Variants in TUBA4A observed in about 807,000 individuals in gnomAD.
TUBA4A encodes tubulin alpha-4A chain.
Under a neutral mutation model 34.3 loss-of-function variants are expected in TUBA4A, and 23 were observed. That is an observed-to-expected ratio of 0.67 (90% CI 0.48 to 0.95). The LOEUF (loss-of-function observed/expected upper bound fraction) is 0.95. Ranked by LOEUF, TUBA4A falls within the 40% of genes least tolerant of loss-of-function variation. TUBA4A has a pLI of 0.00. For synonymous variants in TUBA4A, 216 were observed against 230.5 expected, an observed-to-expected ratio of 0.94 and a Z score of 0.57; for missense variants, 279 against 599.0, an observed-to-expected ratio of 0.47 and a Z score of 5.58.
In TUBA4A at chr2:219,250,515, A is replaced by G; in HGVS notation, c.1184T>C (p.Phe395Ser). 6.2e-7 allele frequency: 1 copy of G among 1,614,186 alleles called. No individual in the cohort carries two copies. Among genetic ancestry groups the G allele is most frequent in the Non-Finnish European group, 8.5e-7 (1 of 1,180,040 alleles). Reference sequence around the variant, plus strand: ...CGCCCTCTTGGCATACATCAGGTCGAACTTGTGGTCCAGGCGGGCCCAGGC... The same window carrying G: ...CGCCCTCTTGGCATACATCAGGTCGGACTTGTGGTCCAGGCGGGCCCAGGC... Reference protein sequence around the residue: ...AEAWARLDHKFDLMYAKRAFV... With the variant: ...AEAWARLDHKSDLMYAKRAFV... The change falls in exon 4 of 4, where the codon TTC becomes TCC. Residue 395 changes from phenylalanine to serine, a missense_variant. Coordinates refer to ENST00000248437, the MANE Select transcript of TUBA4A (RefSeq NM_006000.3). This position sits in a 1 kb window ranked among gnomAD's most constrained non-coding sequence, Gnocchi z 8.4.
chr2:219,250,506 A>T lies in TUBA4A; in HGVS notation c.1193T>A (p.Met398Lys). 2.5e-6 allele frequency: 4 copies of T among 1,614,126 alleles called. No individual in the cohort carries two copies. Among genetic ancestry groups the T allele is most frequent in the Non-Finnish European group, 3.4e-6 (4 of 1,180,016 alleles). Residue 398 changes from methionine (M) to lysine (K), a missense_variant, in exon 4 of 4, where the codon ATG becomes AAG. Met to Lys is a moderately conservative substitution (Grantham distance 95, BLOSUM62 -1). Coordinates refer to ENST00000248437, the MANE Select transcript of TUBA4A (RefSeq NM_006000.3). The surrounding 1 kb of genome is among the most constrained non-coding windows in gnomAD (Gnocchi z 8.4). ...GTGCACAAACGCCCTCTTGGCATAC[A>T]TCAGGTCGAACTTGTGGTCCAGGCG... is the stretch of plus-strand genomic sequence containing the variant. ...WARLDHKFDL[M>K]YAKRAFVHWY...
Position 219,250,357 on chromosome 2 carries a change from C to T in TUBA4A, c.1342G>A (p.Glu448Lys), listed in dbSNP as rs1951625882. ...ATAGGCTCCAGGCAGCTGCTTTATT[C>T]TTCTCCCTCATCCTCGTCCTCATAG... ...DSYEDEDEGE[E>K] is the part of the protein sequence containing the mutation. The change falls in exon 4 of 4, where the codon GAA becomes AAA. Residue 448 changes from glutamate (E) to lysine (K), a missense_variant. Coordinates refer to ENST00000248437, the MANE Select transcript of TUBA4A (RefSeq NM_006000.3). This position sits in a 1 kb window ranked among gnomAD's most constrained non-coding sequence, Gnocchi z 8.4. 1.9e-6 allele frequency: 3 copies of T among 1,608,530 alleles called. No homozygotes were observed. The highest frequency in any genetic ancestry group is 1.7e-6 in the Non-Finnish European group (2 of 1,175,926).
chr2:219,253,574 A>G (rs1285122903), intron 1 of TUBA4A, among the ~76,000 whole-genome samples: 1 of 151,980 alleles, frequency 6.6e-6, no homozygotes, highest in Non-Finnish European at 1.5e-5. Context: ...CAGAGTCGGG[A>G]CACAAATGCT....
chr2:219,253,138 T>C, intron 1 of TUBA4A: 3 of 1,506,188 alleles, frequency 2.0e-6, no homozygotes, highest in Non-Finnish European at 2.7e-6. Flanking sequence ...AAAGCGGGGA[T>C]TGGGTTTCGG....
chr2:219,251,092 T>C lies in TUBA4A; in HGVS notation c.607A>G (p.Met203Val). ...TCATAGATTGCTTCGTTGTCCACCA[T>C]GAAGGCACAGTCTGAGTGCTCCAGG... ...TTLEHSDCAF[M>V]VDNEAIYDIC... The change falls in exon 4 of 4, where the codon ATG becomes GTG. Residue 203 changes from methionine (M) to valine (V), a missense_variant. Physicochemically the swap from Met to Val is conservative, Grantham distance 21. Coordinates refer to ENST00000248437, the MANE Select transcript of TUBA4A (RefSeq NM_006000.3). The surrounding 1 kb of genome is among the most constrained non-coding windows in gnomAD (Gnocchi z 6.1). 2 of 1,614,198 alleles carry C rather than the reference T, an allele frequency of 1.2e-6. No individual in the cohort carries two copies. Among genetic ancestry groups the C allele is most frequent in the Non-Finnish European group, 1.7e-6 (2 of 1,180,038 alleles).
Position 219,252,249 on chromosome 2 carries a change from G to A in TUBA4A, c.4-19C>T. 1 of 1,602,568 alleles carries A rather than the reference G, an allele frequency of 6.2e-7. No homozygotes were observed. Among genetic ancestry groups the A allele is most frequent in the Non-Finnish European group, 8.5e-7 (1 of 1,170,278 alleles). ...ATTCACGCTGAGGGATAGAGAGAGG[G>A]GACACAGCATGAGCCCCACATCCAC... On this transcript the variant is annotated intron_variant, in intron 1 of 3. Coordinates refer to ENST00000248437, the MANE Select transcript of TUBA4A (RefSeq NM_006000.3). This position sits in a 1 kb window ranked among gnomAD's most constrained non-coding sequence, Gnocchi z 4.1.
upstream of TUBA4A, chr2:219,254,425 C>T (rs1005457760): frequency 2.0e-5 from 3 of 152,440 alleles, no homozygotes; most frequent in African/African-American, 7.2e-5. Context: ...GGTCCCCGGC[C>T]GGGGCGGCAG....
At chr2:219,253,949 G>A, upstream of TUBA4A, 3 of 1,165,668 alleles carry the variant, frequency 2.6e-6, no homozygotes, top group Non-Finnish European at 3.3e-6. Context: ...GCCCTTATAG[G>A]CGGGGGGGGG....
Position 219,251,709 on chromosome 2 carries a change from C to T in TUBA4A, c.231G>A (p.Glu77=), listed in dbSNP as rs1329737120. Residue 77 remains glutamate, a synonymous_variant, in exon 3 of 4, where the codon GAG becomes GAA. Transcript: ENST00000248437. This position sits in a 1 kb window ranked among gnomAD's most constrained non-coding sequence, Gnocchi z 6.1. ...FVDLEPTVID[E]IRNGPYRQLF... Reference sequence around the variant, plus strand: ...GCTGTCGGTATGGGCCATTTCGGATCTCATCTGGAAGGGCAAAAACCACAA... The same window carrying T: ...GCTGTCGGTATGGGCCATTTCGGATTTCATCTGGAAGGGCAAAAACCACAA... 2 of 1,613,284 alleles carry T rather than the reference C, an allele frequency of 1.2e-6. No individual in the cohort carries two copies. Among genetic ancestry groups the T allele is most frequent in the Non-Finnish European group, 1.7e-6 (2 of 1,179,476 alleles).
At chr2:219,253,727 G>T (rs995366829) in intron 1 of TUBA4A, 129 bp downstream of exon 1, 2 of 1,145,754 alleles carry the variant, frequency 1.7e-6, no homozygotes, top group Non-Finnish European at 2.5e-6. Context: ...GAGGGAGGAT[G>T]CAAAACCCTC....
rs1246190885 is a variant in TUBA4A, at chr2:219,250,265, C to A, written c.*87G>T. On this transcript the variant is annotated 3_prime_UTR_variant, in exon 4 of 4. Transcript: ENST00000248437. This position sits in a 1 kb window ranked among gnomAD's most constrained non-coding sequence, Gnocchi z 8.4. ...GGAAGGCAGCAGAAGCTCAAGCACTCAGAGGGAACAAGAAACCGTGCAAGG... is the reference window on the plus strand; with the variant it reads ...GGAAGGCAGCAGAAGCTCAAGCACTAAGAGGGAACAAGAAACCGTGCAAGG... 6 of 1,529,314 alleles carry A rather than the reference C, an allele frequency of 3.9e-6. No homozygotes were observed. Among genetic ancestry groups the A allele is most frequent in the Non-Finnish European group, 5.3e-6 (6 of 1,136,066 alleles). 94.7% of individuals were successfully genotyped at this position (1,529,314 alleles called of 1,614,324 possible).
chr2:219,251,848 A>T lies in TUBA4A; in HGVS notation c.227-135T>A. ...CCAGAGTGTGAGAGAAACCCAGACC[A>T]GCTGCCCAGGCCAGTCTCAGATCAG... On this transcript the variant is annotated intron_variant, in intron 2 of 3. Transcript: ENST00000248437. This position sits in a 1 kb window ranked among gnomAD's most constrained non-coding sequence, Gnocchi z 6.1. 1 of 1,378,674 alleles carries T rather than the reference A, an allele frequency of 7.3e-7. No homozygotes were observed. Among genetic ancestry groups the T allele is most frequent in the Non-Finnish European group, 9.9e-7 (1 of 1,013,326 alleles). The allele number at this position is 1,378,674 out of a possible 1,614,324, so 85.4% of individuals were successfully genotyped here. A position where few individuals can be genotyped will look rare whatever the true frequency, so the allele number is the denominator to read the frequency against.
At position 219,251,847 on chromosome 2, in the gene TUBA4A, C is replaced by T. The variant is rs984533800; in HGVS notation, c.227-134G>A. 4.4e-6 allele frequency: 6 copies of T among 1,373,184 alleles called. No homozygotes were observed. The Admixed American group carries it at 1.3e-4, about 31-fold the overall frequency. The allele number at this position is 1,373,184 out of a possible 1,614,324, so 85.1% of individuals were successfully genotyped here. The stretch of plus-strand genomic sequence containing the variant: ...ACCAGAGTGTGAGAGAAACCCAGAC[C>T]AGCTGCCCAGGCCAGTCTCAGATCA... On this transcript the variant is annotated intron_variant, in intron 2 of 3. Transcript: ENST00000248437. The surrounding 1 kb of genome is among the most constrained non-coding windows in gnomAD (Gnocchi z 6.1).
Position 219,251,522 on chromosome 2 carries a change from G to C in TUBA4A, c.375+43C>G. ...TGAAAAAAAATATTCCTGACCATTA[G>C]CACAGTCTCAAAAGTTCCCTCCCTC... On this transcript the variant is annotated intron_variant, in intron 3 of 3. Coordinates refer to ENST00000248437, the MANE Select transcript of TUBA4A (RefSeq NM_006000.3). The surrounding 1 kb of genome is among the most constrained non-coding windows in gnomAD (Gnocchi z 6.1). The C allele has an allele frequency of 6.2e-7, 1 of 1,600,548 alleles. No homozygotes were observed. Among genetic ancestry groups the C allele is most frequent in the African/African-American group, 1.3e-5 (1 of 74,736 alleles).
chr2:219,251,808 T>C lies in TUBA4A; in HGVS notation c.227-95A>G. The C allele has an allele frequency of 6.7e-7, 1 of 1,494,274 alleles. No homozygotes were observed. Among genetic ancestry groups the C allele is most frequent in the Non-Finnish European group, 9.0e-7 (1 of 1,108,248 alleles). The allele number at this position is 1,494,274 out of a possible 1,614,324, so 92.6% of individuals were successfully genotyped here. ...AGATGCATGGAAGGACTCATCCTCC[T>C]GCCAGCCTGAGATACCAGAGTGTGA... On this transcript the variant is annotated intron_variant, in intron 2 of 3. Coordinates refer to ENST00000248437, the MANE Select transcript of TUBA4A (RefSeq NM_006000.3). The surrounding 1 kb of genome is among the most constrained non-coding windows in gnomAD (Gnocchi z 6.1).
chr2:219,253,921 T>C (rs1231429078), upstream of TUBA4A: 27 of 1,330,120 alleles, frequency 2.0e-5, no homozygotes, highest in Admixed American at 2.6e-4. Flanking sequence ...AGAACTGCGC[T>C]AGCTGCAGTG....
At position 219,250,324 on chromosome 2, in the gene TUBA4A, C is replaced by T. The variant is rs776842527; in HGVS notation, c.*28G>A. On this transcript the variant is annotated 3_prime_UTR_variant, in exon 4 of 4. Transcript: ENST00000248437. The surrounding 1 kb of genome is among the most constrained non-coding windows in gnomAD (Gnocchi z 8.4). ...TATTTCGAAAGGATTTTGCAATAAACATAGTGAATAGGCTCCAGGCAGCTG... is the reference window on the plus strand; with the variant it reads ...TATTTCGAAAGGATTTTGCAATAAATATAGTGAATAGGCTCCAGGCAGCTG... 1.3e-6 allele frequency: 2 copies of T among 1,578,320 alleles called. No individual in the cohort carries two copies. The highest frequency in any genetic ancestry group is 1.1e-5 in the South Asian group (1 of 87,090).
chr2:219,253,945 A>G, upstream of TUBA4A: 2 of 792,818 alleles, frequency 2.5e-6, no homozygotes, highest in Admixed American at 4.4e-5. Context: ...CACCGCCCTT[A>G]TAGGCGGGGG....
chr2:219,253,155 C>A, intron 1 of TUBA4A: 1 of 1,524,902 alleles, frequency 6.6e-7, no homozygotes, highest in Non-Finnish European at 8.9e-7. Flanking sequence ...TCGGCCCCCG[C>A]TCCTGGGCTA....
Sources: allele counts gnomAD v4.1 joint callset (sites outside exome capture counted in the v4.1 genomes callset), GRCh38; gene constraint gnomAD v4.1.1; non-coding constraint Gnocchi (gnomAD v3.1); transcripts MANE v1.5; gene names NCBI Gene and HGNC (gene_info 2026-07-23, HGNC 2026-07-21).